The following ATP13A2 variants were observed in gnomAD, a reference collection of about 807,000 sequenced individuals.
The protein encoded by ATP13A2 is ATPase cation transporting 13A2.
Under a neutral mutation model 138.3 loss-of-function variants are expected in ATP13A2, and 83 were observed. The ratio of observed to expected loss-of-function variants is 0.60; its 90% confidence interval spans 0.50 to 0.72. The LOEUF is 0.72. Ranked by LOEUF, ATP13A2 falls within the 30% of genes least tolerant of loss-of-function variation. ATP13A2 has a pLI of 0.00. For synonymous variants in ATP13A2, 663 were observed against 699.0 expected (o/e 0.95, Z 0.81); for missense variants, 1,402 against 1,606.4 (o/e 0.87, Z 2.17).
intron 1 of ATP13A2, among the ~76,000 whole-genome samples, chr1:17,007,023 T>C (rs890337315): frequency 6.6e-6 from 1 of 152,064 alleles, no homozygotes; most frequent in African/African-American, 2.4e-5. Context: ...CCCGAGTAGC[T>C]GGGATTACAG....
intron 8 of ATP13A2, among the ~76,000 whole-genome samples, chr1:17,001,746 C>A (rs1445809816): frequency 6.6e-6 from 1 of 152,216 alleles, no homozygotes; most frequent in East Asian, 1.9e-4. Flanking sequence ...TAGGGCGTGT[C>A]TCTGGGGACC....
intron 1 of ATP13A2, among the ~76,000 whole-genome samples, chr1:17,010,259 G>A (rs1490264254): frequency 1.3e-5 from 2 of 152,152 alleles, no homozygotes; most frequent in Non-Finnish European, 2.9e-5. Flanking sequence ...TGTATTTTTA[G>A]TAGAGACGGG....
intron 6 of ATP13A2, among the ~76,000 whole-genome samples, chr1:17,003,312 C>T (rs1181419726): frequency 1.3e-5 from 2 of 152,136 alleles, no homozygotes; most frequent in Admixed American, 6.6e-5. Flanking sequence ...AATTCTAGCA[C>T]TTTGGGAGGC....
Position 17,004,792 on chromosome 1 carries a change from T to C in ATP13A2, c.377A>G (p.Glu126Gly). ...AACTGCCGCCTGGCTCCGGCCATCCTCTGCCTGGGACTGTGGGGACGGCTC... is the reference window on the plus strand; with the variant it reads ...AACTGCCGCCTGGCTCCGGCCATCCCCTGCCTGGGACTGTGGGGACGGCTC... ...SLEPSPQSQAEDGRSQAAVGA... is the reference protein window; with the variant it reads ...SLEPSPQSQAGDGRSQAAVGA... Residue 126 changes from glutamate (E) to glycine (G), a missense_variant, in exon 5 of 29, where the codon GAG becomes GGG. Physicochemically the swap from Glu to Gly is moderately conservative, Grantham distance 98. Coordinates refer to ENST00000326735, the MANE Select transcript of ATP13A2 (RefSeq NM_022089.4). The surrounding 1 kb of genome is among the most constrained non-coding windows in gnomAD (Gnocchi z 4.1). 6.2e-7 allele frequency: 1 copy of C among 1,614,004 alleles called. No homozygotes were observed. The highest frequency in any genetic ancestry group is 1.1e-5 in the South Asian group (1 of 91,090).
chr1:17,004,952 G>A lies in ATP13A2; in HGVS notation c.347+62C>T. Reference sequence around the variant, plus strand: ...AGCCTTTATGGGGGGGCCGAGGGTTGGGGAAGTTGGGGAGGCCAGGGTAGC... The same window carrying A: ...AGCCTTTATGGGGGGGCCGAGGGTTAGGGAAGTTGGGGAGGCCAGGGTAGC... On this transcript the variant is annotated intron_variant, in intron 4 of 28. Transcript: ENST00000326735. The surrounding 1 kb of genome is among the most constrained non-coding windows in gnomAD (Gnocchi z 4.1). 3.1e-6 allele frequency: 5 copies of A among 1,611,890 alleles called. No individual in the cohort carries two copies. The highest frequency in any genetic ancestry group is 2.5e-6 in the Non-Finnish European group (3 of 1,179,244).
chr1:17,003,726 C>T (rs577338484), intron 6 of ATP13A2, among the ~76,000 whole-genome samples: 7 of 149,428 alleles, frequency 4.7e-5, no homozygotes, highest in Non-Finnish European at 7.4e-5. Flanking sequence ...TGCAGTGGCG[C>T]GATGTTGGCT....
In ATP13A2 at chr1:16,989,789, G is replaced by T; in HGVS notation, c.2530-19C>A. The T allele has an allele frequency of 6.2e-7, 1 of 1,613,510 alleles. No individual in the cohort carries two copies. Among genetic ancestry groups the T allele is most frequent in the Non-Finnish European group, 8.5e-7 (1 of 1,179,582 alleles). ...CCAGGACCTGGGAGCACAGGGAGATGGGGGAGGGCTGAGGCACCCACCAGG... is the reference window on the plus strand; with the variant it reads ...CCAGGACCTGGGAGCACAGGGAGATTGGGGAGGGCTGAGGCACCCACCAGG... On this transcript the variant is annotated intron_variant, in intron 22 of 28. Transcript: ENST00000326735.
chr1:17,003,078 G>T lies in ATP13A2; in HGVS notation c.558-705C>A, dbSNP rs557434805. 9.8e-5 allele frequency among the ~76,000 whole-genome samples: 15 copies of T among 152,302 alleles called. No homozygotes were observed. The South Asian group carries it at 3.1e-3, about 32-fold the overall frequency. On this transcript the variant is annotated intron_variant, in intron 6 of 28. Transcript: ENST00000326735. The stretch of plus-strand genomic sequence containing the variant: ...ACTCCCTGTGTGAGGTCGCCCAGAG[G>T]TGTGTGGTCTACGCTGGCCCAAGGA...
intron 23 of ATP13A2, 29 bp from the exon 24 acceptor site, chr1:16,988,503 TG>T (rs751670298): frequency 2.1e-4 from 340 of 1,613,070 alleles, no homozygotes; most frequent in Non-Finnish European, 2.8e-4. Flanking sequence ...AGGTGTGGCC[TG>T]GGGAATTACC....
At position 16,997,420 on chromosome 1, in the gene ATP13A2, G is replaced by T. The variant is rs971991557; in HGVS notation, c.1040-245C>A. On this transcript the variant is annotated intron_variant, in intron 11 of 28. Coordinates refer to ENST00000326735, the MANE Select transcript of ATP13A2 (RefSeq NM_022089.4). ...GCCAGCTCCCTGGAACCAGCGGGGG[G>T]GGGTGGGTCAGACAGAGCATGTGTG... 6.0e-5 allele frequency among the ~76,000 whole-genome samples: 8 copies of T among 132,552 alleles called. 1 individual carries two copies. Among genetic ancestry groups the T allele is most frequent in the African/African-American group, 8.9e-5 (3 of 33,564 alleles). 87.0% of individuals were successfully genotyped at this position (132,552 alleles called of 152,430 possible).
chr1:16,996,952 C>G, intron 12 of ATP13A2, 68 bp downstream of exon 12: 2 of 1,561,374 alleles, frequency 1.3e-6, no homozygotes, highest in Non-Finnish European at 1.7e-6. Flanking sequence ...TCCCACCCTG[C>G]CTCACTCCAC....
At chr1:16,997,415 G>C (rs373248114) in intron 11 of ATP13A2, among the ~76,000 whole-genome samples, 6 of 120,006 alleles carry the variant, frequency 5.0e-5, no homozygotes, top group African/African-American at 1.2e-4. Context: ...TGGAACCAGC[G>C]GGGGGGGGTG....
chr1:16,992,588 G>A lies in ATP13A2; in HGVS notation c.1750-7C>T. 3.7e-6 allele frequency: 6 copies of A among 1,614,166 alleles called. No homozygotes were observed. Among genetic ancestry groups the A allele is most frequent in the Non-Finnish European group, 5.1e-6 (6 of 1,179,974 alleles). On this transcript the variant is annotated splice_region_variant and splice_polypyrimidine_tract_variant and intron_variant, in intron 16 of 28. Coordinates refer to ENST00000326735, the MANE Select transcript of ATP13A2 (RefSeq NM_022089.4). The stretch of plus-strand genomic sequence containing the variant: ...CCGGCTCTTCCTCCAGGACCTGGCA[G>A]GCAGGCAGGGAAGTTTGGTGTCTGG...
At chr1:16,988,778 G>A (rs559471209) in intron 23 of ATP13A2, among the ~76,000 whole-genome samples, 4 of 152,004 alleles carry the variant, frequency 2.6e-5, no homozygotes, top group South Asian at 4.2e-4. Context: ...GATTACAGAC[G>A]CCCGCCACCA....
intron 1 of ATP13A2, among the ~76,000 whole-genome samples, chr1:17,007,652 C>T (rs1211583966): frequency 6.7e-6 from 1 of 150,132 alleles, no homozygotes; most frequent in Non-Finnish European, 1.5e-5. Context: ...TCCGGGTTCA[C>T]ACCATTCTCC....
At position 17,011,762 on chromosome 1, in the gene ATP13A2, G is replaced by A. The variant is rs1280060837; in HGVS notation, c.-24C>T. Reference sequence around the variant, plus strand: ...ATGCCGGCTCCTCGCGCTCATCGCCGGCCCCGGCGCTGCGGCCCTCGGCCT... The same window carrying A: ...ATGCCGGCTCCTCGCGCTCATCGCCAGCCCCGGCGCTGCGGCCCTCGGCCT... On this transcript the variant is annotated 5_prime_UTR_variant, in exon 1 of 29. Transcript: ENST00000326735. This position sits in a 1 kb window ranked among gnomAD's most constrained non-coding sequence, Gnocchi z 7.3. 1 of 1,442,380 alleles carries A rather than the reference G, an allele frequency of 6.9e-7. No individual in the cohort carries two copies. Among genetic ancestry groups the A allele is most frequent in the Non-Finnish European group, 9.1e-7 (1 of 1,100,552 alleles). The allele number at this position is 1,442,380 out of a possible 1,614,324, so 89.3% of individuals were successfully genotyped here.
intron 11 of ATP13A2, among the ~76,000 whole-genome samples, chr1:16,997,609 A>G (rs2077189775): frequency 6.6e-6 from 1 of 152,146 alleles, no homozygotes; most frequent in Non-Finnish European, 1.5e-5. Context: ...TGGGAGGCTG[A>G]GGTGGGCAGA....
chr1:16,994,919 C>T (rs2077065395), intron 15 of ATP13A2, among the ~76,000 whole-genome samples: 1 of 152,152 alleles, frequency 6.6e-6, no homozygotes, highest in Admixed American at 6.5e-5. Flanking sequence ...GCCTCGGCCT[C>T]CCGAAGTGCC....
rs771759787 is a variant in ATP13A2, at chr1:16,986,501, G to C, written c.3367C>G (p.Leu1123Val). Reference sequence around the variant, plus strand: ...GCCCCCACGAAGTTGAGGGTGACCAGACCCAGCAGCAGCAGCTTGAAGCCG... The same window carrying C: ...GCCCCCACGAAGTTGAGGGTGACCACACCCAGCAGCAGCAGCTTGAAGCCG... ...DTGFKLLLLG[L>V]VTLNFVGAFM... Residue 1123 changes from leucine to valine, a missense_variant, in exon 28 of 29, where the codon CTG (leucine) becomes GTG (valine). Leu to Val is a conservative substitution (Grantham distance 32). Transcript: ENST00000326735. This position sits in a 1 kb window ranked among gnomAD's most constrained non-coding sequence, Gnocchi z 6.9. The C allele has an allele frequency of 2.5e-6, 4 of 1,612,528 alleles. No individual in the cohort carries two copies. In the East Asian group the frequency reaches 8.9e-5, roughly 36 times the overall value.
Sources: gnomAD v4.1 joint callset for allele counts (sites outside exome capture counted in the v4.1 genomes callset) on GRCh38, gnomAD v4.1.1 for gene constraint, Gnocchi (gnomAD v3.1) non-coding constraint, MANE v1.5 for transcripts, NCBI Gene and HGNC (gene_info 2026-07-23, HGNC 2026-07-21) for gene names.